The following AFF3 variants were observed in gnomAD, a reference collection of about 807,000 sequenced individuals.
AFF3 encodes ALF transcription elongation factor 3, also known as AF4/FMR2 family member 3.
In AFF3, 32 loss-of-function variants were observed where a neutral mutation model predicts 129.7. The ratio of observed to expected loss-of-function variants is 0.25; its 90% CI spans 0.19 to 0.33. The LOEUF is 0.33. AFF3 is among the 10% of genes least tolerant of loss of function. The pLI, the probability that AFF3 is intolerant of heterozygous loss-of-function variation, is 1.00. For synonymous variants in AFF3, 644 were observed against 635.4 expected (o/e 1.01, Z -0.20); for missense variants, 1,373 against 1,592.0 (o/e 0.86, Z 2.34).
intron 7 of AFF3, among the ~76,000 whole-genome samples, chr2:99,951,504 T>C (rs777018764): frequency 1.1e-4 from 17 of 152,198 alleles, no homozygotes; most frequent in Non-Finnish European, 2.2e-4. Flanking sequence ...CCTTGAAAGA[T>C]GTTTACAACA....
intron 11 of AFF3, among the ~76,000 whole-genome samples, chr2:99,717,665 GCTTGA>G (rs1329328024): frequency 2.0e-5 from 3 of 152,274 alleles, no homozygotes; most frequent in Admixed American, 1.3e-4. Flanking sequence ...CCGGTTCGCA[GCTTGA>G]CTTTTCATTT....
At chr2:99,586,959 C>T (rs1486928647) in intron 16 of AFF3, among the ~76,000 whole-genome samples, 195 bp downstream of exon 16, 1 of 151,964 alleles carries the variant, frequency 6.6e-6, no homozygotes, top group Non-Finnish European at 1.5e-5. Context: ...AAGAACCTTG[C>T]GTGAGTATCT....
chr2:99,895,849 A>G (rs988820744), intron 7 of AFF3, among the ~76,000 whole-genome samples: 5 of 152,092 alleles, frequency 3.3e-5, no homozygotes, highest in Admixed American at 3.3e-4. Context: ...TGGGTGGATC[A>G]CCTGAGGTCA....
Position 99,552,305 on chromosome 2 carries a change from G to C in AFF3, c.3560-710C>G, listed in dbSNP as rs1674485199. On this transcript the variant is annotated intron_variant, in intron 24 of 24. Coordinates refer to ENST00000672756, the MANE Select transcript of AFF3 (RefSeq NM_001386135.1). ...CTCCGGAGGCTGAGGTGGGAGAATC[G>C]CTTGAACCCGGGAGGAGGAGGTTGC... Among the ~76,000 whole-genome samples, 3 of 152,244 alleles carry C rather than the reference G, an allele frequency of 2.0e-5. No homozygotes were observed. The South Asian group carries it at 6.2e-4, about 32-fold the overall frequency.
chr2:99,645,330 A>C (rs1191338230), intron 13 of AFF3, among the ~76,000 whole-genome samples: 2 of 152,192 alleles, frequency 1.3e-5, no homozygotes, highest in Non-Finnish European at 1.5e-5. Context: ...CCTGTCTCAA[A>C]AAACAAACAA....
chr2:99,593,733 G>C lies in AFF3; in HGVS notation c.1928C>G (p.Ser643Cys). Residue 643 changes from serine (S) to cysteine (C), a missense_variant, in exon 15 of 25, where the codon TCC (serine) becomes TGC (cysteine). Around this residue, in one of 9 missense-constraint regions of AFF3, gnomAD observed 466 missense variants for 505.0 expected, o/e 0.92. Transcript: ENST00000672756. ...NRASHRKELR[S>C]SVTCEKRRTR... ...GCGGCGCTTCTCGCAGGTCACGGAG[G>C]AGCGCAGCTCCTTGCGGTGGCTCGC... 1 of 1,612,780 alleles carries C rather than the reference G, an allele frequency of 6.2e-7. No individual in the cohort carries two copies.
chr2:99,776,167 C>T (rs941218044), intron 8 of AFF3, among the ~76,000 whole-genome samples: 17 of 152,156 alleles, frequency 1.1e-4, no homozygotes, highest in African/African-American at 4.1e-4. Flanking sequence ...AAGGAATGCA[C>T]TTGATGTTCC....
intron 13 of AFF3, among the ~76,000 whole-genome samples, chr2:99,608,639 G>A (rs981638450): frequency 2.6e-5 from 4 of 152,296 alleles, no homozygotes; most frequent in Admixed American, 2.6e-4. Context: ...CAGCCGAGGG[G>A]AAGGAACCAA....
At chr2:99,990,261 A>G (rs1680224314) in intron 7 of AFF3, among the ~76,000 whole-genome samples, 1 of 152,240 alleles carries the variant, frequency 6.6e-6, no homozygotes. Context: ...TAAACACTTC[A>G]GTATACATAC....
intron 7 of AFF3, among the ~76,000 whole-genome samples, chr2:99,889,602 T>C (rs541581672): frequency 6.6e-6 from 1 of 152,264 alleles, no homozygotes; most frequent in Non-Finnish European, 1.5e-5. Context: ...AGCAAAATTA[T>C]GGGTTTGAAA....
intron 15 of AFF3, among the ~76,000 whole-genome samples, chr2:99,592,347 C>A (rs1430919490): frequency 6.6e-6 from 1 of 152,166 alleles, no homozygotes; most frequent in Non-Finnish European, 1.5e-5. Context: ...CACCATGAAG[C>A]CCTCCTTGAT....
At chr2:99,608,123 A>C (rs1318040561) in intron 13 of AFF3, among the ~76,000 whole-genome samples, 1 of 152,200 alleles carries the variant, frequency 6.6e-6, no homozygotes, top group Non-Finnish European at 1.5e-5. Context: ...CAATGGGTCT[A>C]TCCCTAAACC....
At chr2:100,009,458 A>T (rs1258375648) in intron 4 of AFF3, among the ~76,000 whole-genome samples, 1 of 151,860 alleles carries the variant, frequency 6.6e-6, no homozygotes, top group Non-Finnish European at 1.5e-5. Context: ...GATCTCTGTT[A>T]ATCAGTCAAG....
chr2:99,986,106 C>G (rs1679835979), intron 7 of AFF3, among the ~76,000 whole-genome samples: 1 of 151,404 alleles, frequency 6.6e-6, no homozygotes, highest in Non-Finnish European at 1.5e-5. Context: ...GATGCTGAAG[C>G]AGGAGAATGG....
intron 7 of AFF3, among the ~76,000 whole-genome samples, chr2:99,933,644 C>G (rs573405799): frequency 1.2e-4 from 19 of 152,132 alleles, no homozygotes; most frequent in Non-Finnish European, 2.5e-4. Flanking sequence ...TGGTTTCCAG[C>G]TTCATCCATG....
chr2:99,705,079 G>A (rs990024760), intron 11 of AFF3, among the ~76,000 whole-genome samples: 3 of 152,150 alleles, frequency 2.0e-5, no homozygotes, highest in Admixed American at 6.6e-5. Flanking sequence ...AAGAATAGAC[G>A]GTTCGAAGAA....
chr2:100,014,482 C>G (rs2104798283), intron 4 of AFF3, among the ~76,000 whole-genome samples: 1 of 152,192 alleles, frequency 6.6e-6, no homozygotes, highest in East Asian at 1.9e-4. Context: ...ATTGAGCCAT[C>G]CTGCTGATGA....
intron 8 of AFF3, among the ~76,000 whole-genome samples, chr2:99,819,462 GAAT>G (rs1687482406): frequency 6.6e-6 from 1 of 152,132 alleles, no homozygotes; most frequent in African/African-American, 2.4e-5. Context: ...ATTTTAACAA[GAAT>G]AATAGCAGCT....
At chr2:99,918,692 TG>T (rs1170199316) in intron 7 of AFF3, among the ~76,000 whole-genome samples, 1 of 152,214 alleles carries the variant, frequency 6.6e-6, no homozygotes, top group Non-Finnish European at 1.5e-5. Context: ...CTCACAAAAG[TG>T]GTAATTAAGT....
Sources: gnomAD v4.1 joint callset for allele counts (sites outside exome capture counted in the v4.1 genomes callset) on GRCh38, gnomAD v4.1.1 for gene constraint, gnomAD v4.1.1 regional missense constraint, MANE v1.5 for transcripts, NCBI Gene and HGNC (gene_info 2026-07-23, HGNC 2026-07-21) for gene names.